Variants in PCDHGA11 observed in about 807,000 individuals in gnomAD.
The protein encoded by PCDHGA11 is protocadherin gamma-A11.
In PCDHGA11, 39 loss-of-function variants were observed where a neutral mutation model predicts 60.4. The observed-to-expected ratio is 0.65, with a 90% CI of 0.50 to 0.84. PCDHGA11 has a LOEUF of 0.84. PCDHGA11 is among the 40% of genes least tolerant of loss of function. PCDHGA11 has a pLI of 0.00. For synonymous variants in PCDHGA11, 533 were observed against 510.3 expected, an observed-to-expected ratio of 1.04 and a Z score of -0.60; for missense variants, 1,165 against 1,197.7, an observed-to-expected ratio of 0.97 and a Z score of 0.40.
rs780569992 is a variant in PCDHGA11 at position 141,421,930 on chromosome 5, G to A, written c.703G>A (p.Asp235Asn). Reference protein sequence around the residue: ...GAVPIRVVVLDVNDHIPMFTQ... With the variant: ...GAVPIRVVVLNVNDHIPMFTQ... ...AGTTCCCATTCGTGTGGTGGTCCTC[G>A]ATGTAAATGATCACATCCCAATGTT... The change falls in exon 1 of 4, where the codon GAT (aspartate) becomes AAT (asparagine). Residue 235 changes from aspartate to asparagine, a missense_variant. Transcript: ENST00000398587. 6.2e-7 allele frequency: 1 copy of A among 1,613,480 alleles called. No individual in the cohort carries two copies. The highest frequency in any genetic ancestry group is 8.5e-7 in the Non-Finnish European group (1 of 1,179,732).
At chr5:141,423,800 T>A in intron 1 of PCDHGA11, 140 bp downstream of exon 1, 2 of 895,132 alleles carry the variant, frequency 2.2e-6, no homozygotes, top group Non-Finnish European at 2.9e-6. Flanking sequence ...TTTAGAGCAA[T>A]ACATGTGAGT....
intron 1 of PCDHGA11, among the ~76,000 whole-genome samples, chr5:141,438,674 A>C (rs894070572): frequency 1.9e-4 from 25 of 134,850 alleles, no homozygotes; most frequent in Non-Finnish European, 3.1e-4. Context: ...ATATATTTGG[A>C]GTAGGGGATG....
intron 1 of PCDHGA11, among the ~76,000 whole-genome samples, chr5:141,468,246 A>G (rs2099161183): frequency 6.7e-6 from 1 of 149,754 alleles, no homozygotes; most frequent in South Asian, 2.1e-4. Context: ...AATTGCCTGA[A>G]CCTGGGAGGC....
Position 141,431,919 on chromosome 5 carries a change from A to C in PCDHGA11, c.2433+8259A>C, listed in dbSNP as rs2097428718. The C allele has an allele frequency of 7.4e-6, 12 of 1,614,040 alleles. No individual in the cohort carries two copies. Among genetic ancestry groups the C allele is most frequent in the Non-Finnish European group, 1.0e-5 (12 of 1,179,980 alleles). On this transcript the variant is annotated intron_variant, in intron 1 of 3. Transcript: ENST00000398587. This position sits in a 1 kb window ranked among gnomAD's most constrained non-coding sequence, Gnocchi z 4.8. ...AACGGACAGGTGATCTGTTTCATCC[A>C]AGGAAATCTGCCCTTTAAATTAGAA... is the stretch of plus-strand genomic sequence containing the variant.
Position 141,476,855 on chromosome 5 carries a change from T to C in PCDHGA11, c.2434-17952T>C, listed in dbSNP as rs149491772. The C allele has an allele frequency of 3.2e-4, 519 of 1,613,836 alleles. 3 individuals carry two copies. The African/African-American group carries it at 6.2e-3, about 19-fold the overall frequency. Reference sequence around the variant, plus strand: ...TGACAATGCGCCTGTCTTCAACCAGTCCTTGTACCGGGCGCGCGTCCTGGA... The same window carrying C: ...TGACAATGCGCCTGTCTTCAACCAGCCCTTGTACCGGGCGCGCGTCCTGGA... On this transcript the variant is annotated intron_variant, in intron 1 of 3. Coordinates refer to ENST00000398587, the MANE Select transcript of PCDHGA11 (RefSeq NM_018914.3). This position sits in a 1 kb window ranked among gnomAD's most constrained non-coding sequence, Gnocchi z 7.6.
chr5:141,500,688 T>C (rs2099802014), intron 2 of PCDHGA11, among the ~76,000 whole-genome samples: 1 of 152,224 alleles, frequency 6.6e-6, no homozygotes, highest in Non-Finnish European at 1.5e-5. Flanking sequence ...TATAGCTTTT[T>C]TCTTCTTTGC....
chr5:141,432,600 C>T lies in PCDHGA11; in HGVS notation c.2433+8940C>T, dbSNP rs901310090. The T allele has an allele frequency of 1.9e-6, 3 of 1,613,832 alleles. No individual in the cohort carries two copies. The East Asian group carries it at 6.7e-5, about 36-fold the overall frequency. ...TACCGTCTGCTCAAGGCCAGCGAGCCGGGACTCTTCTCGGTGGGTCTGCAC... is the reference window on the plus strand; with the variant it reads ...TACCGTCTGCTCAAGGCCAGCGAGCTGGGACTCTTCTCGGTGGGTCTGCAC... On this transcript the variant is annotated intron_variant, in intron 1 of 3. Transcript: ENST00000398587. The surrounding 1 kb of genome is among the most constrained non-coding windows in gnomAD (Gnocchi z 6.0).
intron 2 of PCDHGA11, among the ~76,000 whole-genome samples, chr5:141,504,253 G>A (rs1036263329): frequency 6.6e-6 from 1 of 152,100 alleles, no homozygotes; most frequent in Non-Finnish European, 1.5e-5. Context: ...TTCTTCTTAT[G>A]GTTTAGTATT....
chr5:141,508,737 C>A (rs919094477), intron 3 of PCDHGA11, among the ~76,000 whole-genome samples: 8 of 152,010 alleles, frequency 5.3e-5, no homozygotes, highest in Non-Finnish European at 1.2e-4. Flanking sequence ...CTACACCCCC[C>A]ACCCCGCTCT....
In PCDHGA11 at chr5:141,486,587, G is replaced by A. The variant is rs2099631441; in HGVS notation, c.2434-8220G>A. 6.2e-7 allele frequency: 1 copy of A among 1,613,478 alleles called. No homozygotes were observed. The highest frequency in any genetic ancestry group is 1.7e-5 in the Admixed American group (1 of 60,014). On this transcript the variant is annotated intron_variant, in intron 1 of 3. Coordinates refer to ENST00000398587, the MANE Select transcript of PCDHGA11 (RefSeq NM_018914.3). The surrounding 1 kb of genome is among the most constrained non-coding windows in gnomAD (Gnocchi z 5.0). ...TGTTCCTGAGAACAATCGCCCAGGGGACCTGCTTTGCTCCCTTGCAGCCTC... is the reference window on the plus strand; with the variant it reads ...TGTTCCTGAGAACAATCGCCCAGGGAACCTGCTTTGCTCCCTTGCAGCCTC...
chr5:141,421,188 C>T lies in PCDHGA11; in HGVS notation c.-40C>T, dbSNP rs1364019876. 2.0e-6 allele frequency: 3 copies of T among 1,471,410 alleles called. No individual in the cohort carries two copies. The South Asian group carries it at 4.0e-5, about 20-fold the overall frequency. The allele number at this position is 1,471,410 out of a possible 1,614,324, so 91.1% of individuals were successfully genotyped here. A position where few individuals can be genotyped will look rare whatever the true frequency, so the allele number is the denominator to read the frequency against. The stretch of plus-strand genomic sequence containing the variant: ...GATACATAAGCCGATTCACAACCAA[C>T]CAGCTCGAGAAACCGCGGAATATCG... On this transcript the variant is annotated 5_prime_UTR_variant, in exon 1 of 4. Coordinates refer to ENST00000398587, the MANE Select transcript of PCDHGA11 (RefSeq NM_018914.3).
chr5:141,480,710 T>C (rs1174000425), intron 1 of PCDHGA11, among the ~76,000 whole-genome samples: 1 of 152,042 alleles, frequency 6.6e-6, no homozygotes, highest in East Asian at 1.9e-4. Context: ...CCCCGACAAA[T>C]GAAAGCACAG....
At position 141,485,305 on chromosome 5, in the gene PCDHGA11, T is replaced by C. The variant is rs1344645695; in HGVS notation, c.2434-9502T>C. The C allele has an allele frequency of 3.7e-6, 6 of 1,614,000 alleles. No individual in the cohort carries two copies. In the East Asian group the frequency reaches 1.3e-4, roughly 36 times the overall value. Reference sequence around the variant, plus strand: ...CAGAGGAGTCACAGGAAGGGACTTTTGTAGGGAATGTCGCTCAAGATTTCC... The same window carrying C: ...CAGAGGAGTCACAGGAAGGGACTTTCGTAGGGAATGTCGCTCAAGATTTCC... On this transcript the variant is annotated intron_variant, in intron 1 of 3. Coordinates refer to ENST00000398587, the MANE Select transcript of PCDHGA11 (RefSeq NM_018914.3). This position sits in a 1 kb window ranked among gnomAD's most constrained non-coding sequence, Gnocchi z 5.7.
chr5:141,496,021 G>C lies in PCDHGA11; in HGVS notation c.2492+1156G>C, dbSNP rs1011612662. Among the ~76,000 whole-genome samples, 3 of 151,454 alleles carry C rather than the reference G, an allele frequency of 2.0e-5. No individual in the cohort carries two copies. The East Asian group carries it at 5.8e-4, about 29-fold the overall frequency. ...CTTTTATCTTGTCTTTTTTCTCTGA[G>C]CCTCTGTCTCTGTCTCTCATTTTTT... On this transcript the variant is annotated intron_variant, in intron 2 of 3. Coordinates refer to ENST00000398587, the MANE Select transcript of PCDHGA11 (RefSeq NM_018914.3).
Position 141,498,971 on chromosome 5 carries a change from GGGAAGGAAGGAAGGAAGGAAGGAA to G in PCDHGA11, c.2492+4140_2492+4163del, listed in dbSNP as rs201769957. 5.1e-3 allele frequency among the ~76,000 whole-genome samples: 569 copies of G among 111,048 alleles called. 6 individuals carry two copies. Among genetic ancestry groups the G allele is most frequent in the South Asian group, 0.024 (65 of 2,658 alleles). 72.9% of individuals were successfully genotyped at this position (111,048 alleles called of 152,430 possible). A position where few individuals can be genotyped will look rare whatever the true frequency, so the allele number is the denominator to read the frequency against. On this transcript the variant is annotated intron_variant, in intron 2 of 3. Coordinates refer to ENST00000398587, the MANE Select transcript of PCDHGA11 (RefSeq NM_018914.3). ...AAAAAGAGAGAGAGGGAGGGAGGGA[GGGAAGGAAGGAAGGAAGGAAGGAA>G]GGAAGGAAGGAAGGAAGGAAGGAAG...
Position 141,477,649 on chromosome 5 carries a change from A to G in PCDHGA11, c.2434-17158A>G, listed in dbSNP as rs2099415032. 3.7e-6 allele frequency: 6 copies of G among 1,614,076 alleles called. No individual in the cohort carries two copies. Among genetic ancestry groups the G allele is most frequent in the Non-Finnish European group, 5.1e-6 (6 of 1,180,048 alleles). ...CCGGGCTAGTGGGTCGCTATTTCAC[A>G]ATAAATCGTGACAATGGCATAGTGT... On this transcript the variant is annotated intron_variant, in intron 1 of 3. Transcript: ENST00000398587. The surrounding 1 kb of genome is among the most constrained non-coding windows in gnomAD (Gnocchi z 4.9).
rs747671382 is a variant in PCDHGA11 at position 141,444,152 on chromosome 5, A to ATTTTTTTT, written c.2433+20521_2433+20528dup. ...GATATGTGTCACTTGTGTGTACTGG[A>ATTTTTTTT]TTTTTTTTTTTTTTTTTTTTTTTTT... On this transcript the variant is annotated intron_variant, in intron 1 of 3. Transcript: ENST00000398587. Among the ~76,000 whole-genome samples, 8 of 33,898 alleles carry ATTTTTTTT rather than the reference A, an allele frequency of 2.4e-4. 3 individuals are homozygous for ATTTTTTTT. Among genetic ancestry groups the ATTTTTTTT allele is most frequent in the African/African-American group, 5.6e-4 (4 of 7,184 alleles). The allele number at this position is 33,898 out of a possible 152,430, so 22.2% of individuals were successfully genotyped here.
At chr5:141,475,512 C>A (rs2099364350) in intron 1 of PCDHGA11, among the ~76,000 whole-genome samples, 2 of 152,326 alleles carry the variant, frequency 1.3e-5, no homozygotes, top group South Asian at 4.1e-4. Context: ...AATGTCTCCA[C>A]GGAAATGCTA....
rs1259562533 is a variant in PCDHGA11 at position 141,482,788 on chromosome 5, G to T, written c.2434-12019G>T. 2.6e-5 allele frequency among the ~76,000 whole-genome samples: 4 copies of T among 152,184 alleles called. 1 individual carries two copies. Among genetic ancestry groups the T allele is most frequent in the Admixed American group, 2.6e-4 (4 of 15,278 alleles). ...TATCACTGAACCTTAAACTGTGTGTGTGGCCGGGTACGGTGGCTCATGCCT... is the reference window on the plus strand; with the variant it reads ...TATCACTGAACCTTAAACTGTGTGTTTGGCCGGGTACGGTGGCTCATGCCT... On this transcript the variant is annotated intron_variant, in intron 1 of 3. Transcript: ENST00000398587.
Sources: gnomAD v4.1 joint callset for allele counts (sites outside exome capture counted in the v4.1 genomes callset) on GRCh38, gnomAD v4.1.1 for gene constraint, Gnocchi (gnomAD v3.1) non-coding constraint, MANE v1.5 for transcripts, NCBI Gene and HGNC (gene_info 2026-07-23, HGNC 2026-07-21) for gene names.